MARCHF3: variants seen among roughly 807,000 people sequenced by gnomAD.
MARCHF3 encodes the protein membrane associated ring-CH-type finger 3.
A neutral mutation model predicts 24.2 loss-of-function variants in MARCHF3; 13 were observed. The ratio of observed to expected loss-of-function variants is 0.54; its 90% CI spans 0.35 to 0.85. The LOEUF (loss-of-function observed/expected upper bound fraction) is 0.85. MARCHF3 is among the 40% of genes least tolerant of loss of function. The pLI is 0.01. For synonymous variants in MARCHF3, 144 were observed against 137.3 expected, an observed-to-expected ratio of 1.05 and a Z score of -0.34; for missense variants, 276 against 325.0, an observed-to-expected ratio of 0.85 and a Z score of 1.16.
In MARCHF3 at chr5:126,949,215, T is replaced by C. The variant is rs73786211; in HGVS notation, c.-56-30988A>G. Among the ~76,000 whole-genome samples the C allele has an allele frequency of 8.4e-3, 1,276 of 152,312 alleles. 19 individuals are homozygous for C. Among genetic ancestry groups the C allele is most frequent in the East Asian group, 0.026 (133 of 5,186 alleles). On this transcript the variant is annotated intron_variant, in intron 1 of 4. Transcript: ENST00000308660. ...AGAAAACAAGGTACTAGCAGGCTAA[T>C]AAATGATATGAAATCTCAAATTAAT...
chr5:126,945,664 G>A (rs967103331), intron 1 of MARCHF3, among the ~76,000 whole-genome samples: 5 of 152,168 alleles, frequency 3.3e-5, no homozygotes, highest in African/African-American at 1.2e-4. Flanking sequence ...TGCTACCAGG[G>A]GGCTTTGTGC....
chr5:126,874,567 C>G (rs1753081042), intron 4 of MARCHF3, among the ~76,000 whole-genome samples: 1 of 137,120 alleles, frequency 7.3e-6, no homozygotes, highest in East Asian at 2.1e-4. Flanking sequence ...GCCTGGGCAA[C>G]AAGAGCGAAA....
chr5:126,914,885 T>C, intron 3 of MARCHF3, 45 bp downstream of exon 3: 1 of 1,596,098 alleles, frequency 6.3e-7, no homozygotes, highest in Non-Finnish European at 8.6e-7. Context: ...CAGACATCAT[T>C]TGCTCATTAG....
chr5:126,946,554 G>T (rs11949302), intron 1 of MARCHF3, among the ~76,000 whole-genome samples: 1 of 151,674 alleles, frequency 6.6e-6, no homozygotes, highest in Non-Finnish European at 1.5e-5. Context: ...CATTGTGGGC[G>T]AGTCCTGGGG....
intron 1 of MARCHF3, among the ~76,000 whole-genome samples, chr5:127,003,224 A>C (rs568972116): frequency 6.6e-6 from 1 of 152,042 alleles, no homozygotes; most frequent in South Asian, 2.1e-4. Flanking sequence ...TCACGCTTGT[A>C]ATCCCAGCAC....
intron 1 of MARCHF3, among the ~76,000 whole-genome samples, chr5:126,966,948 T>C (rs1750838850): frequency 8.8e-6 from 1 of 113,530 alleles, no homozygotes; most frequent in Non-Finnish European, 1.9e-5. Context: ...TTTTTTTTGC[T>C]ATTACCTATT....
intron 3 of MARCHF3, among the ~76,000 whole-genome samples, chr5:126,904,122 G>A (rs1580622247): frequency 1.3e-5 from 2 of 149,810 alleles, no homozygotes. Flanking sequence ...TTTCATCCAC[G>A]TCCCTACAAA....
intron 1 of MARCHF3, among the ~76,000 whole-genome samples, chr5:126,989,027 T>C (rs538941359): frequency 1.3e-5 from 2 of 152,244 alleles, no homozygotes; most frequent in Admixed American, 6.5e-5. Context: ...AGAAAAAATG[T>C]CTACAATAGG....
chr5:127,007,867 C>T (rs533522032), intron 1 of MARCHF3, among the ~76,000 whole-genome samples: 4 of 151,974 alleles, frequency 2.6e-5, no homozygotes, highest in Admixed American at 6.6e-5. Context: ...TGCAAATCAA[C>T]GTTAATACAT....
intron 3 of MARCHF3, among the ~76,000 whole-genome samples, chr5:126,914,382 CTTT>C (rs1754645665): frequency 6.6e-6 from 1 of 151,994 alleles, no homozygotes; most frequent in Admixed American, 6.6e-5. Context: ...GCCCTGTATT[CTTT>C]TAAGTGTTTT....
At chr5:127,029,259 G>A (rs1753097549) in intron 1 of MARCHF3, among the ~76,000 whole-genome samples, 1 of 151,968 alleles carries the variant, frequency 6.6e-6, no homozygotes, top group African/African-American at 2.4e-5. Flanking sequence ...GTGTATATGC[G>A]CATCTACATC....
chr5:126,983,138 G>A (rs902229336), intron 1 of MARCHF3, among the ~76,000 whole-genome samples: 2 of 152,210 alleles, frequency 1.3e-5, no homozygotes, highest in African/African-American at 4.8e-5. Flanking sequence ...GCTTAACCAT[G>A]CAGAGGAATC....
At chr5:126,943,287 A>G (rs915716688) in intron 1 of MARCHF3, among the ~76,000 whole-genome samples, 1 of 148,810 alleles carries the variant, frequency 6.7e-6, no homozygotes, top group African/African-American at 2.5e-5. Flanking sequence ...GAGCTCAATA[A>G]TAATATTGAG....
intron 3 of MARCHF3, among the ~76,000 whole-genome samples, chr5:126,899,975 A>G (rs894098468): frequency 6.6e-6 from 1 of 151,984 alleles, no homozygotes; most frequent in Non-Finnish European, 1.5e-5. Flanking sequence ...TGAACGTTCT[A>G]TGGGTTTTGA....
At chr5:126,891,204 G>C (rs1002101711) in intron 3 of MARCHF3, among the ~76,000 whole-genome samples, 10 of 151,718 alleles carry the variant, frequency 6.6e-5, no homozygotes, top group Non-Finnish European at 1.0e-4. Flanking sequence ...TGTCAGATGA[G>C]TAGGTTGGGA....
chr5:126,990,320 G>A (rs1488995968), intron 1 of MARCHF3, among the ~76,000 whole-genome samples: 7 of 152,028 alleles, frequency 4.6e-5, no homozygotes, highest in East Asian at 1.9e-4. Context: ...GTAATAAATC[G>A]TGCTGGGAAA....
intron 4 of MARCHF3, among the ~76,000 whole-genome samples, chr5:126,872,386 A>G (rs1047956630): frequency 2.0e-5 from 3 of 152,112 alleles, no homozygotes; most frequent in Non-Finnish European, 2.9e-5. Context: ...ATGTACATAT[A>G]TTGGAATGAG....
intron 1 of MARCHF3, among the ~76,000 whole-genome samples, chr5:126,996,232 G>A (rs1751944044): frequency 6.6e-6 from 1 of 152,178 alleles, no homozygotes; most frequent in African/African-American, 2.4e-5. Context: ...AAGTTATAGA[G>A]GAAAGAGCAG....
intron 3 of MARCHF3, chr5:126,898,968 A>T (rs1442262889): frequency 2.0e-6 from 2 of 984,894 alleles, no homozygotes; most frequent in Non-Finnish European, 2.4e-6. Context: ...TTTTTTTAGT[A>T]TCCAAACTAA....
Sources: allele counts gnomAD v4.1 joint callset (sites outside exome capture counted in the v4.1 genomes callset), GRCh38; gene constraint gnomAD v4.1.1; transcripts MANE v1.5; gene names NCBI Gene and HGNC (gene_info 2026-07-23, HGNC 2026-07-21).